The following ZCCHC14 variants were observed in gnomAD, a reference collection of about 807,000 sequenced individuals.
The protein encoded by ZCCHC14 is zinc finger CCHC domain-containing protein 14.
In ZCCHC14, 16 loss-of-function variants were observed where a neutral mutation model predicts 85.0. The ratio of observed to expected loss-of-function variants is 0.19; its 90% CI spans 0.13 to 0.29. ZCCHC14 has a LOEUF of 0.29. Ranked by LOEUF, ZCCHC14 falls within the 10% of genes least tolerant of loss-of-function variation. ZCCHC14 has a pLI of 1.00. For missense variants in ZCCHC14, 1,303 were observed against 1,443.5 expected (o/e 0.90, Z 1.58); for synonymous variants, 775 against 630.7 (o/e 1.23, Z -3.43).
intron 3 of ZCCHC14, 77 bp from the exon 4 acceptor site, chr16:87,423,958 TG>T (rs1333588739): frequency 7.3e-6 from 11 of 1,502,994 alleles, no homozygotes; most frequent in Non-Finnish European, 1.0e-5. Flanking sequence ...CTGGTACGAC[TG>T]GGGCACACGT....
Position 87,459,898 on chromosome 16 carries a change from T to A in ZCCHC14, c.694+110A>T, listed in dbSNP as rs902266294. ...AGAATTTAGAAAAATACACATAAGA[T>A]TGGCATTTATGAAAGATCTGAAAGC... On this transcript the variant is annotated intron_variant, in intron 2 of 12. Transcript: ENST00000671377. 19 of 1,491,754 alleles carry A rather than the reference T, an allele frequency of 1.3e-5. No homozygotes were observed. In the African/African-American group the frequency reaches 2.2e-4, roughly 17 times the overall value. The allele number at this position is 1,491,754 out of a possible 1,614,324, so 92.4% of individuals were successfully genotyped here.
At chr16:87,464,179 G>A (rs1375136000) in intron 1 of ZCCHC14, among the ~76,000 whole-genome samples, 2 of 152,240 alleles carry the variant, frequency 1.3e-5, no homozygotes, top group Non-Finnish European at 2.9e-5. Flanking sequence ...GGGAGGAAGG[G>A]GAGAGGAGGG....
At chr16:87,451,941 G>A (rs1203434364) in intron 2 of ZCCHC14, among the ~76,000 whole-genome samples, 3 of 152,356 alleles carry the variant, frequency 2.0e-5, no homozygotes, top group African/African-American at 4.8e-5. Context: ...CCTCAAAGCC[G>A]CATGTCCTCG....
intron 4 of ZCCHC14, among the ~76,000 whole-genome samples, chr16:87,422,408 T>C (rs1488974343): frequency 1.3e-5 from 2 of 151,914 alleles, no homozygotes; most frequent in Non-Finnish European, 2.9e-5. Context: ...GAAGAAATGC[T>C]TGAGGAGAAA....
At chr16:87,426,598 G>A (rs527540226) in intron 3 of ZCCHC14, among the ~76,000 whole-genome samples, 12 of 152,264 alleles carry the variant, frequency 7.9e-5, no homozygotes, top group Non-Finnish European at 1.8e-4. Context: ...CCCCTCCAGA[G>A]CCACTGGAGC....
At chr16:87,479,939 TTTTC>T (rs1312929333) in intron 1 of ZCCHC14, among the ~76,000 whole-genome samples, 5 of 151,688 alleles carry the variant, frequency 3.3e-5, no homozygotes, top group Non-Finnish European at 5.9e-5. Context: ...TTCTTCTTCT[TTTTC>T]TTTTTTTTTT....
chr16:87,431,631 T>C (rs1247264779), intron 3 of ZCCHC14, among the ~76,000 whole-genome samples: 1 of 152,022 alleles, frequency 6.6e-6, no homozygotes, highest in East Asian at 1.9e-4. Context: ...TGGGAGCAAA[T>C]CAAAGCCCAC....
chr16:87,469,168 C>G (rs1911666726), intron 1 of ZCCHC14, among the ~76,000 whole-genome samples: 1 of 152,188 alleles, frequency 6.6e-6, no homozygotes, highest in Non-Finnish European at 1.5e-5. Flanking sequence ...CTGCCTCAGC[C>G]TCCCGAGTAG....
At position 87,412,060 on chromosome 16, in the gene ZCCHC14, G is replaced by A. The variant is rs1250837078; in HGVS notation, c.2661C>T (p.Gly887=). 26 of 1,610,146 alleles carry A rather than the reference G, an allele frequency of 1.6e-5. No homozygotes were observed. The highest frequency in any genetic ancestry group is 2.1e-5 in the Non-Finnish European group (25 of 1,179,966). ...AGGCAGGAATGTTTCCTGTGGAGCC[G>A]CCACCGCCACTGCTGCTATAGAAAC... ...ESSFYSSSGG[G]GSTGNIPASN... The change falls in exon 12 of 13, where the codon GGC becomes GGT. Residue 887 remains glycine (G), a synonymous_variant. Transcript: ENST00000671377.
intron 1 of ZCCHC14, among the ~76,000 whole-genome samples, chr16:87,475,488 G>A (rs1567541620): frequency 6.7e-6 from 1 of 150,258 alleles, no homozygotes; most frequent in Non-Finnish European, 1.5e-5. Flanking sequence ...AGGAGTCGGA[G>A]GTTGCAGTGA....
intron 1 of ZCCHC14, among the ~76,000 whole-genome samples, chr16:87,476,686 T>C (rs1036279415): frequency 1.5e-5 from 2 of 133,334 alleles, no homozygotes; most frequent in Non-Finnish European, 3.1e-5. Context: ...AACTAATCAA[T>C]GGTGGAAAAG....
intron 2 of ZCCHC14, among the ~76,000 whole-genome samples, chr16:87,449,952 G>A (rs561943466): frequency 1.3e-5 from 2 of 152,358 alleles, no homozygotes; most frequent in African/African-American, 4.8e-5. Flanking sequence ...GGCTGAGGCA[G>A]GAGGATTGCT....
At chr16:87,451,880 G>C (rs1027531514) in intron 2 of ZCCHC14, among the ~76,000 whole-genome samples, 1 of 152,210 alleles carries the variant, frequency 6.6e-6, no homozygotes, top group Non-Finnish European at 1.5e-5. Flanking sequence ...CAGATGTCTT[G>C]GTTTGAAATG....
At position 87,412,873 on chromosome 16, in the gene ZCCHC14, C is replaced by T; in HGVS notation, c.1848G>A (p.Val616=). The change falls in exon 12 of 13, where the codon GTG becomes GTA. Residue 616 remains valine, a synonymous_variant. Coordinates refer to ENST00000671377, the MANE Select transcript of ZCCHC14 (RefSeq NM_015144.3). ...SARPTAQVLP[V]QNEASSNPSG... Reference sequence around the variant, plus strand: ...ATGGATTGGAGCTGGCCTCATTCTGCACAGGGAGAACCTGGGCCGTGGGTC... The same window carrying T: ...ATGGATTGGAGCTGGCCTCATTCTGTACAGGGAGAACCTGGGCCGTGGGTC... The T allele has an allele frequency of 1.9e-6, 3 of 1,606,844 alleles. No homozygotes were observed. Among genetic ancestry groups the T allele is most frequent in the Non-Finnish European group, 1.7e-6 (2 of 1,175,904 alleles).
intron 2 of ZCCHC14, among the ~76,000 whole-genome samples, chr16:87,442,660 C>T (rs937678970): frequency 6.6e-6 from 1 of 152,208 alleles, no homozygotes; most frequent in African/African-American, 2.4e-5. Context: ...ATAAGAAGCT[C>T]AATGAGCTTA....
intron 8 of ZCCHC14, among the ~76,000 whole-genome samples, chr16:87,416,929 G>A (rs1027489884): frequency 2.6e-5 from 4 of 152,178 alleles, no homozygotes; most frequent in African/African-American, 7.2e-5. Flanking sequence ...CCAGCAGAGG[G>A]AGTCCAGAGC....
chr16:87,422,914 GT>G (rs1909179103), intron 4 of ZCCHC14, among the ~76,000 whole-genome samples: 1 of 151,308 alleles, frequency 6.6e-6, no homozygotes, highest in African/African-American at 2.4e-5. Context: ...CCGGGGGGGG[GT>G]GTGTGTTACC....
chr16:87,469,977 C>T (rs774023844), intron 1 of ZCCHC14, among the ~76,000 whole-genome samples: 30 of 152,154 alleles, frequency 2.0e-4, no homozygotes, highest in South Asian at 2.1e-4. Context: ...CAGTGGCTCA[C>T]GCCTGCAATC....
intron 2 of ZCCHC14, among the ~76,000 whole-genome samples, chr16:87,451,388 G>A (rs1216120397): frequency 6.6e-6 from 1 of 150,938 alleles, no homozygotes; most frequent in Non-Finnish European, 1.5e-5. Flanking sequence ...AGTAGAAGCG[G>A]GGTTTCACCA....
Sources: allele counts gnomAD v4.1 joint callset (sites outside exome capture counted in the v4.1 genomes callset), GRCh38; gene constraint gnomAD v4.1.1; transcripts MANE v1.5; gene names NCBI Gene and HGNC (gene_info 2026-07-23, HGNC 2026-07-21).